The following STS variants were observed in gnomAD, a reference collection of about 807,000 sequenced individuals.
The protein encoded by STS is steroid sulfatase, also known as steryl-sulfatase.
Under a neutral mutation model 26.8 loss-of-function variants are expected in STS, and 7 were observed. That is an observed-to-expected ratio of 0.26 (90% CI 0.15 to 0.49). The LOEUF is 0.49. STS is among the 20% of genes least tolerant of loss of function. STS has a pLI of 0.98. For synonymous variants in STS, 199 were observed against 189.4 expected (o/e 1.05, Z -0.42); for missense variants, 434 against 465.6 (o/e 0.93, Z 0.63).
At chrX:7,331,974 T>TA (rs1391180719) in intron 9 of STS, among the ~76,000 whole-genome samples, 5 of 110,500 alleles carry the variant, frequency 4.5e-5, no homozygotes, top group African/African-American at 6.6e-5. Flanking sequence ...GCCCCTCCTT[T>TA]AAAAAAACCT....
intron 2 of STS, chrX:7,219,824 T>C: frequency 1.3e-6 from 1 of 777,822 alleles, no homozygotes; most frequent in East Asian, 3.2e-5. Context: ...TAAATCTGTT[T>C]TTGCTTGGTA....
At chrX:7,269,260 A>G (rs1924157663) in intron 6 of STS, among the ~76,000 whole-genome samples, 1 of 91,981 alleles carries the variant, frequency 1.1e-5, no homozygotes, top group Admixed American at 1.3e-4. Flanking sequence ...TTGCCATACT[A>G]GATCTAGTGG....
chrX:7,345,841 AT>A (rs1488372894), intron 10 of STS, among the ~76,000 whole-genome samples: 1 of 112,073 alleles, frequency 8.9e-6, no homozygotes, highest in African/African-American at 3.2e-5. Context: ...ACTAATATTG[AT>A]TTTAAAAAAT....
chrX:7,324,649 G>T (rs772850878), intron 8 of STS, among the ~76,000 whole-genome samples: 1 of 111,557 alleles, frequency 9.0e-6, no homozygotes, highest in Non-Finnish European at 1.9e-5. Flanking sequence ...ATGCTGGTCA[G>T]TTGTACCTGA....
chrX:7,163,505 C>T (rs1933290948), intron 1 of STS, among the ~76,000 whole-genome samples: 1 of 111,981 alleles, frequency 8.9e-6, no homozygotes, highest in Non-Finnish European at 1.9e-5. Flanking sequence ...AACTTGTCAC[C>T]TCTTCTGCCT....
At chrX:7,222,491 A>G (rs1334248772) in intron 2 of STS, among the ~76,000 whole-genome samples, 1 of 105,505 alleles carries the variant, frequency 9.5e-6, no homozygotes, top group Admixed American at 1.0e-4. Flanking sequence ...GATTGAGCAC[A>G]AAAACAGCTA....
chrX:7,156,446 A>G (rs1933137441), intron 1 of STS, among the ~76,000 whole-genome samples: 2 of 111,101 alleles, frequency 1.8e-5, no homozygotes, highest in African/African-American at 6.6e-5. Flanking sequence ...CAACACATGT[A>G]TTTTCTTCTC....
rs373058144 is a variant in STS, at chrX:7,246,262, C to CT, written c.-4-6917dup. Among the ~76,000 whole-genome samples the CT allele has an allele frequency of 6.3e-3, 602 of 95,717 alleles. 4 individuals carry two copies. The highest frequency in any genetic ancestry group is 0.02 in the African/African-American group (513 of 26,016). 83.1% of individuals were successfully genotyped at this position (95,717 alleles called of 115,157 possible). A position where few individuals can be genotyped will look rare whatever the true frequency, so the allele number is the denominator to read the frequency against. On this transcript the variant is annotated intron_variant, in intron 2 of 10. Coordinates refer to ENST00000674429, the MANE Select transcript of STS (RefSeq NM_001320752.2). ...TTAAGGAGTTAAGATTTGGGAGAGA[C>CT]TTTTTTTTTTTTTTTTTGAGACAGA...
At chrX:7,222,541 A>C (rs1326192528) in intron 2 of STS, among the ~76,000 whole-genome samples, 1 of 109,258 alleles carries the variant, frequency 9.2e-6, no homozygotes, top group East Asian at 2.9e-4. Context: ...AAAAAAAAAA[A>C]AAAAAAAAAA....
intron 7 of STS, among the ~76,000 whole-genome samples, chrX:7,295,698 C>T (rs1925631680): frequency 9.0e-6 from 1 of 110,944 alleles, no homozygotes; most frequent in African/African-American, 3.3e-5. Context: ...CTGCTTCTCT[C>T]GACTAACACT....
At chrX:7,194,274 G>A (rs1255181394) in intron 2 of STS, among the ~76,000 whole-genome samples, 1 of 110,910 alleles carries the variant, frequency 9.0e-6, no homozygotes, top group Non-Finnish European at 1.9e-5. Context: ...TTCCTGCATG[G>A]GGGTCACTGG....
chrX:7,177,444 TA>T (rs1482053474), intron 1 of STS, among the ~76,000 whole-genome samples: 1 of 107,247 alleles, frequency 9.3e-6, no homozygotes, highest in Non-Finnish European at 1.9e-5. Context: ...AATTTTAATT[TA>T]AAATATATAT....
chrX:7,223,228 TTA>T (rs1179065914), intron 2 of STS, among the ~76,000 whole-genome samples: 10 of 112,280 alleles, frequency 8.9e-5, no homozygotes, highest in Non-Finnish European at 1.9e-4. Context: ...AGGTATCTTT[TTA>T]ATACAATGAT....
chrX:7,222,417 ATC>A (rs1263632636), intron 2 of STS, among the ~76,000 whole-genome samples: 1 of 108,215 alleles, frequency 9.2e-6, no homozygotes, highest in Non-Finnish European at 1.9e-5. Flanking sequence ...ACATATGAAA[ATC>A]TGTGTCAAGG....
At chrX:7,225,244 C>G (rs1921748290) in intron 2 of STS, among the ~76,000 whole-genome samples, 1 of 111,526 alleles carries the variant, frequency 9.0e-6, no homozygotes, top group Non-Finnish European at 1.9e-5. Flanking sequence ...GTGAGAACCC[C>G]GAAGCCAGAA....
intron 8 of STS, among the ~76,000 whole-genome samples, chrX:7,311,481 C>A (rs1834138380): frequency 9.0e-6 from 1 of 111,590 alleles, no homozygotes; most frequent in African/African-American, 3.3e-5. Flanking sequence ...TAATTCTTAA[C>A]CTTCCTTGAC....
intron 8 of STS, among the ~76,000 whole-genome samples, chrX:7,318,681 G>A (rs971616493): frequency 9.0e-6 from 1 of 110,897 alleles, no homozygotes; most frequent in Non-Finnish European, 1.9e-5. Flanking sequence ...CCAACAGAGC[G>A]TTTCTCGGGT....
At chrX:7,149,597 T>C (rs1932969008) in intron 1 of STS, among the ~76,000 whole-genome samples, 1 of 111,469 alleles carries the variant, frequency 9.0e-6, no homozygotes, top group African/African-American at 3.3e-5. Context: ...CAGTCGTTCG[T>C]GGTTTCTGTA....
intron 3 of STS, among the ~76,000 whole-genome samples, chrX:7,254,666 C>A (rs1923317486): frequency 1.0e-5 from 1 of 98,554 alleles, no homozygotes; most frequent in South Asian, 5.5e-4. Context: ...TCACTGCAAT[C>A]TCTGCCTACT....
Sources: allele counts gnomAD v4.1 joint callset (sites outside exome capture counted in the v4.1 genomes callset), GRCh38; gene constraint gnomAD v4.1.1; transcripts MANE v1.5; gene names NCBI Gene and HGNC (gene_info 2026-07-23, HGNC 2026-07-21).